Variants in NCOA3 observed in about 807,000 individuals in gnomAD.
The protein encoded by NCOA3 is nuclear receptor coactivator 3, also known as CBP-interacting protein.
Under a neutral mutation model 158.8 loss-of-function variants are expected in NCOA3, and 51 were observed. The observed-to-expected ratio is 0.32, with a 90% CI of 0.26 to 0.41. The LOEUF (loss-of-function observed/expected upper bound fraction) is 0.41, where lower values mean the gene tolerates loss of function less well. NCOA3 is among the 10% of genes least tolerant of loss of function. The probability of loss-of-function intolerance (pLI) is 1.00; values close to 1 mark genes in which losing one functional copy is unlikely to be tolerated. For synonymous variants in NCOA3, 537 were observed against 592.4 expected (o/e 0.91, Z 1.36); for missense variants, 1,510 against 1,746.6 (o/e 0.86, Z 2.41).
intron 8 of NCOA3, 94 bp downstream of exon 8, chr20:47,628,117 T>A: frequency 4.8e-6 from 4 of 836,754 alleles, no homozygotes; most frequent in Non-Finnish European, 5.8e-6. Flanking sequence ...TAATCTGTAC[T>A]ATCATAGAAA....
chr20:47,608,707 A>G (rs939033734), intron 2 of NCOA3, among the ~76,000 whole-genome samples: 2 of 152,096 alleles, frequency 1.3e-5, no homozygotes, highest in Non-Finnish European at 2.9e-5. Context: ...GAATACTGAC[A>G]TAACCCACAT....
At position 47,650,982 on chromosome 20, in the gene NCOA3, C is replaced by T; in HGVS notation, c.3652C>T (p.Gln1218Ter). ...AATTGCACTCTTTCTTGGGTATTAG[C>T]AGGGTTTTCTTAATGCTCAAATGGT... The part of the protein sequence containing the change: ...PMMQPQVSSQ[Q>*]GFLNAQMVAQ... Residue 1218 changes from glutamine (Q) to a stop codon, truncating the protein, a stop_gained and splice_region_variant, in exon 20 of 23, where the codon CAG becomes TAG. Coordinates refer to ENST00000371998, the MANE Select transcript of NCOA3 (RefSeq NM_181659.3). LOFTEE classifies it high-confidence loss of function. 6.2e-7 allele frequency: 1 copy of T among 1,613,292 alleles called. No individual in the cohort carries two copies. Among genetic ancestry groups the T allele is most frequent in the Non-Finnish European group, 8.5e-7 (1 of 1,179,296 alleles).
chr20:47,593,015 T>C (rs3787233), intron 2 of NCOA3, among the ~76,000 whole-genome samples: 70,581 of 151,730 alleles, frequency 0.47, 16,944 homozygotes, highest in Middle Eastern at 0.62. Context: ...CTCACTACAA[T>C]CTCTGCCTCC....
intron 1 of NCOA3, among the ~76,000 whole-genome samples, chr20:47,515,236 C>T (rs150074202): frequency 5.3e-4 from 81 of 151,716 alleles, no homozygotes; most frequent in African/African-American, 1.9e-3. Flanking sequence ...GATCTCCGCT[C>T]ACCACAACCT....
At chr20:47,589,679 T>C (rs2085595037) in intron 2 of NCOA3, among the ~76,000 whole-genome samples, 1 of 152,158 alleles carries the variant, frequency 6.6e-6, no homozygotes, top group Admixed American at 6.5e-5. Context: ...CTGGCTGACT[T>C]GAACTTTTAA....
intron 2 of NCOA3, among the ~76,000 whole-genome samples, chr20:47,614,797 A>G (rs1321290064): frequency 6.6e-6 from 1 of 152,136 alleles, no homozygotes; most frequent in East Asian, 1.9e-4. Flanking sequence ...TCGGTGGGTA[A>G]TGGTTAGGTA....
At chr20:47,586,021 G>A (rs573522209) in intron 2 of NCOA3, among the ~76,000 whole-genome samples, 1 of 151,122 alleles carries the variant, frequency 6.6e-6, no homozygotes, top group African/African-American at 2.4e-5. Context: ...CCAGGGTCAA[G>A]TGATTCTCCT....
Position 47,652,582 on chromosome 20 carries a change from T to TAAAGA in NCOA3, c.4121+4_4121+8dup. On this transcript the variant is annotated splice_region_variant and intron_variant, in intron 21 of 22. Transcript: ENST00000371998. ...ATCAGGAAATTTGGCCAGGAACAGG[T>TAAAGA]AAAGAACAGTGACTTATAAAGTTAG... 6.2e-7 allele frequency: 1 copy of TAAAGA among 1,603,324 alleles called. No homozygotes were observed. Among genetic ancestry groups the TAAAGA allele is most frequent in the South Asian group, 1.1e-5 (1 of 90,844 alleles).
chr20:47,583,037 T>C, intron 1 of NCOA3, 146 bp from the exon 2 acceptor site: 1 of 385,866 alleles, frequency 2.6e-6, no homozygotes. Flanking sequence ...TCAAGTGATT[T>C]GCCCGCCTTG....
rs887075009 is a variant in NCOA3 at position 47,655,888 on chromosome 20, T to C, written c.*2471T>C. The stretch of plus-strand genomic sequence containing the variant: ...AAATGAAGTTTATTATAAGTTTTTA[T>C]ATTTTCTACTTGTTCATTTGGTGCA... On this transcript the variant is annotated 3_prime_UTR_variant, in exon 23 of 23. Transcript: ENST00000371998. The C allele has an allele frequency of 4.5e-4, 68 of 152,524 alleles. No individual in the cohort carries two copies. The highest frequency in any genetic ancestry group is 1.6e-3 in the African/African-American group (65 of 41,452). The allele number at this position is 152,524 out of a possible 1,614,324, so 9.4% of individuals were successfully genotyped here.
chr20:47,568,012 G>A (rs2085226911), intron 1 of NCOA3, among the ~76,000 whole-genome samples: 1 of 152,168 alleles, frequency 6.6e-6, no homozygotes, highest in South Asian at 2.1e-4. Context: ...TGGCTTTTAA[G>A]TCTTTTGTTA....
intron 19 of NCOA3, 111 bp from the exon 20 acceptor site, chr20:47,650,871 A>C (rs1207766465): frequency 4.9e-6 from 5 of 1,023,756 alleles, no homozygotes; most frequent in South Asian, 1.6e-5. Context: ...AAAAAAAAGA[A>C]GGCCCTGGGT....
chr20:47,599,152 G>A lies in NCOA3; in HGVS notation c.-20+15891G>A, dbSNP rs6066401. Among the ~76,000 whole-genome samples the A allele has an allele frequency of 9.9e-3, 1,512 of 152,246 alleles. 10 individuals are homozygous for A. Among genetic ancestry groups the A allele is most frequent in the Non-Finnish European group, 0.017 (1,156 of 68,018 alleles). On this transcript the variant is annotated intron_variant, in intron 2 of 22. Transcript: ENST00000371998. The stretch of plus-strand genomic sequence containing the variant: ...GAAATGGAATGAAGGCACATTTCTC[G>A]TAATGTATCCCTGTCATTAAGCTAG...
chr20:47,557,690 A>C (rs982471574), intron 1 of NCOA3, among the ~76,000 whole-genome samples: 2 of 152,234 alleles, frequency 1.3e-5, no homozygotes, highest in African/African-American at 4.8e-5. Flanking sequence ...AATATAGATA[A>C]TTCAGTTTAT....
intron 1 of NCOA3, among the ~76,000 whole-genome samples, chr20:47,580,827 A>G (rs978570665): frequency 1.3e-5 from 2 of 152,096 alleles, no homozygotes; most frequent in African/African-American, 4.8e-5. Context: ...TCGGTCCGGT[A>G]TGGTGGCTCA....
intron 2 of NCOA3, among the ~76,000 whole-genome samples, chr20:47,618,287 A>G (rs1232313055): frequency 2.0e-5 from 3 of 151,470 alleles, no homozygotes; most frequent in African/African-American, 7.3e-5. Context: ...ATCTTAAACA[A>G]TTATACCTTT....
In NCOA3 at chr20:47,518,151, A is replaced by G. The variant is rs77124908; in HGVS notation, c.-99+16132A>G. ...TGCTTGAGTCCAGGAGTTCATTACAAGTCTGGGCAACATAGGGAGACCCCG... is the reference window on the plus strand; with the variant it reads ...TGCTTGAGTCCAGGAGTTCATTACAGGTCTGGGCAACATAGGGAGACCCCG... On this transcript the variant is annotated intron_variant, in intron 1 of 22. Coordinates refer to ENST00000371998, the MANE Select transcript of NCOA3 (RefSeq NM_181659.3). 3.2e-3 allele frequency among the ~76,000 whole-genome samples: 482 copies of G among 152,012 alleles called. 14 individuals are homozygous for G. In the East Asian group the frequency reaches 0.078, roughly 25 times the overall value.
intron 22 of NCOA3, 102 bp downstream of exon 22, chr20:47,653,174 T>G (rs2086823822): frequency 7.3e-7 from 1 of 1,372,992 alleles, no homozygotes; most frequent in Non-Finnish European, 9.9e-7. Flanking sequence ...TATTTTAACT[T>G]GAATGTATAA....
Position 47,505,003 on chromosome 20 carries a change from G to GTT in NCOA3, c.-99+3009_-99+3010dup, listed in dbSNP as rs1166777115. Reference sequence around the variant, plus strand: ...TAAAATAAATGGCTTTGGGTTTTTGGTTTTTTTTTTTTTTTTTTTTTTTTT... The same window carrying GTT: ...TAAAATAAATGGCTTTGGGTTTTTGGTTTTTTTTTTTTTTTTTTTTTTTTTTT... On this transcript the variant is annotated intron_variant, in intron 1 of 22. Transcript: ENST00000371998. 2.8e-3 allele frequency among the ~76,000 whole-genome samples: 79 copies of GTT among 28,542 alleles called. 7 individuals carry two copies. Among genetic ancestry groups the GTT allele is most frequent in the African/African-American group, 0.014 (76 of 5,530 alleles). 18.7% of individuals were successfully genotyped at this position (28,542 alleles called of 152,430 possible).
Sources: allele counts gnomAD v4.1 joint callset (sites outside exome capture counted in the v4.1 genomes callset), GRCh38; gene constraint gnomAD v4.1.1; transcripts MANE v1.5; gene names NCBI Gene and HGNC (gene_info 2026-07-23, HGNC 2026-07-21).